TPR: variants seen among roughly 807,000 people sequenced by gnomAD.
TPR encodes translocated promoter region, nuclear basket protein, also known as nucleoprotein TPR.
Under a neutral mutation model 316.1 loss-of-function variants are expected in TPR, and 51 were observed. The observed-to-expected ratio is 0.16, with a 90% CI of 0.13 to 0.20. The LOEUF (loss-of-function observed/expected upper bound fraction) is 0.20, where lower values mean the gene tolerates loss of function less well. Among genes scored for constraint, TPR ranks in the 10% least tolerant of loss-of-function variants. TPR has a pLI of 1.00. For missense variants in TPR, 2,272 were observed against 2,754.8 expected, an observed-to-expected ratio of 0.82 and a Z score of 3.92; for synonymous variants, 981 against 914.7, an observed-to-expected ratio of 1.07 and a Z score of -1.31.
chr1:186,346,299 T>G lies in TPR; in HGVS notation c.2944-12A>C. 1 of 1,605,932 alleles carries G rather than the reference T, an allele frequency of 6.2e-7. No homozygotes were observed. Among genetic ancestry groups the G allele is most frequent in the Non-Finnish European group, 8.5e-7 (1 of 1,176,674 alleles). On this transcript the variant is annotated splice_polypyrimidine_tract_variant and intron_variant, in intron 22 of 50. Transcript: ENST00000367478. ...ACTTCTTCTGTCACCTTTACCATAT[T>G]ACAAACAGTAGGATATAAAAATTAC...
chr1:186,347,608 C>G, intron 21 of TPR, 150 bp from the exon 22 acceptor site: 1 of 763,574 alleles, frequency 1.3e-6, no homozygotes, highest in Admixed American at 3.8e-5. Context: ...AAAATAAAAG[C>G]AGGTACTTTG....
chr1:186,343,437 C>T lies in TPR; in HGVS notation c.3639G>A (p.Arg1213=), dbSNP rs760890725. Residue 1213 remains arginine, a synonymous_variant, in exon 27 of 51, where the codon AGG becomes AGA. Transcript: ENST00000367478. Reference sequence around the variant, plus strand: ...GACTCTCAACCTGAGCCACCTCAAACCTAGTTTCAGCAATTTCTTTTTCTC... The same window carrying T: ...GACTCTCAACCTGAGCCACCTCAAATCTAGTTTCAGCAATTTCTTTTTCTC... ...IRREKEIAET[R]FEVAQVESLR... is the part of the protein sequence containing the mutation. 3 of 1,613,614 alleles carry T rather than the reference C, an allele frequency of 1.9e-6. No homozygotes were observed. The East Asian group carries it at 6.7e-5, about 36-fold the overall frequency.
rs1197367694 is a variant in TPR, at chr1:186,344,004, G to C, written c.3504C>G (p.Asp1168Glu). Residue 1168 changes from aspartate (D) to glutamate (E), a missense_variant, in exon 26 of 51, where the codon GAC (aspartate) becomes GAG (glutamate). Asp to Glu is a conservative substitution (Grantham distance 45). Around this residue, in one of 10 missense-constraint regions of TPR, gnomAD observed 757 missense variants for 859.8 expected, o/e 0.88. Coordinates refer to ENST00000367478, the MANE Select transcript of TPR (RefSeq NM_003292.3). ...CTTCCTTCACAGAGGCAACGACCTT[G>C]TCACTTAATTTTTCGATCTGATCAT... ...LLHDQIEKLS[D>E]KVVASVKEGV... The C allele has an allele frequency of 6.2e-7, 1 of 1,614,104 alleles. No homozygotes were observed. The highest frequency in any genetic ancestry group is 8.5e-7 in the Non-Finnish European group (1 of 1,180,014).
intron 18 of TPR, among the ~76,000 whole-genome samples, chr1:186,353,352 A>G (rs1658928054): frequency 2.0e-5 from 3 of 151,882 alleles, no homozygotes; most frequent in Non-Finnish European, 4.4e-5. Flanking sequence ...AGCCTGGGCG[A>G]CAGAGTGAGA....
intron 3 of TPR, among the ~76,000 whole-genome samples, chr1:186,370,309 T>C (rs1281533105): frequency 6.6e-6 from 1 of 152,124 alleles, no homozygotes; most frequent in African/African-American, 2.4e-5. Flanking sequence ...AACATTTCCA[T>C]CCAGAAATTT....
At position 186,359,994 on chromosome 1, in the gene TPR, G is replaced by A; in HGVS notation, c.1194C>T (p.Leu398=). Residue 398 remains leucine, a splice_region_variant and synonymous_variant, in exon 12 of 51, where the codon CTC becomes CTT. Transcript: ENST00000367478. The part of the protein sequence containing the change: ...IVKPGMKLTE[L]YNAYVETQDQ... The stretch of plus-strand genomic sequence containing the variant: ...CCTGAGTTTCCACATAAGCATTATA[G>A]AGCTGAAAGTAGACAAAGGGTTGTT... 6.2e-7 allele frequency: 1 copy of A among 1,605,330 alleles called. No individual in the cohort carries two copies.
intron 5 of TPR, 133 bp downstream of exon 5, chr1:186,363,209 G>T: frequency 1.0e-6 from 1 of 981,370 alleles, no homozygotes. Context: ...TTGTCCTAAT[G>T]CTTAATTTTC....
At position 186,375,134 on chromosome 1, in the gene TPR, C is replaced by T; in HGVS notation, c.-106G>A. 5 of 1,557,826 alleles carry T rather than the reference C, an allele frequency of 3.2e-6. No individual in the cohort carries two copies. The highest frequency in any genetic ancestry group is 4.3e-6 in the Non-Finnish European group (5 of 1,151,462). On this transcript the variant is annotated 5_prime_UTR_variant, in exon 1 of 51. Transcript: ENST00000367478. Reference sequence around the variant, plus strand: ...ACGCCTGGGCCGCCGCCTCTATCACCTCGCTCGGTGGCTCGCGCGCGCCCG... The same window carrying T: ...ACGCCTGGGCCGCCGCCTCTATCACTTCGCTCGGTGGCTCGCGCGCGCCCG...
At chr1:186,372,087 T>C (rs1364017429) in intron 2 of TPR, among the ~76,000 whole-genome samples, 1 of 152,212 alleles carries the variant, frequency 6.6e-6, no homozygotes, top group African/African-American at 2.4e-5. Flanking sequence ...TGCATATACA[T>C]TACGTTTTTA....
chr1:186,373,162 C>T (rs985555944), intron 2 of TPR, among the ~76,000 whole-genome samples, 197 bp downstream of exon 2: 9 of 152,136 alleles, frequency 5.9e-5, no homozygotes, highest in Admixed American at 2.6e-4. Context: ...AGAATCCAGA[C>T]CTCCTGACCA....
In TPR at chr1:186,354,597, T is replaced by A. The variant is rs550316451; in HGVS notation, c.2172-747A>T. Among the ~76,000 whole-genome samples the A allele has an allele frequency of 4.3e-4, 65 of 152,308 alleles. No individual in the cohort carries two copies. The Middle Eastern group carries it at 0.014, about 32-fold the overall frequency. On this transcript the variant is annotated intron_variant, in intron 17 of 50. Transcript: ENST00000367478. The stretch of plus-strand genomic sequence containing the variant: ...CTGCTATAAAACAGAAACAGTTTTA[T>A]CATGTACTATATAAAAATAAATATT...
At chr1:186,314,361 C>T in intron 50 of TPR, 1 of 361,588 alleles carries the variant, frequency 2.8e-6, no homozygotes, top group Non-Finnish European at 4.9e-6. Flanking sequence ...AACACTATAA[C>T]ACTTCATATT....
At chr1:186,343,239 A>G in intron 27 of TPR, 87 bp downstream of exon 27, 1 of 1,490,858 alleles carries the variant, frequency 6.7e-7, no homozygotes, top group South Asian at 1.4e-5. Context: ...TTCAAGTTAA[A>G]TTTTACATTA....
rs1369988079 is a variant in TPR at position 186,320,299 on chromosome 1, T to G, written c.6568+13A>C. On this transcript the variant is annotated intron_variant, in intron 46 of 50. Coordinates refer to ENST00000367478, the MANE Select transcript of TPR (RefSeq NM_003292.3). ...CATACAAATTCAGGGGATCTAAAGGTTTAACTATTTACCTCCTTGAGAAGC... is the reference window on the plus strand; with the variant it reads ...CATACAAATTCAGGGGATCTAAAGGGTTAACTATTTACCTCCTTGAGAAGC... 7.5e-6 allele frequency: 12 copies of G among 1,598,552 alleles called. No homozygotes were observed. Among genetic ancestry groups the G allele is most frequent in the African/African-American group, 4.0e-5 (3 of 74,414 alleles).
rs1657801600 is a variant in TPR at position 186,322,506 on chromosome 1, G to A, written c.6366+12C>T. 6.2e-7 allele frequency: 1 copy of A among 1,613,906 alleles called. No homozygotes were observed. The highest frequency in any genetic ancestry group is 2.2e-5 in the East Asian group (1 of 44,854). On this transcript the variant is annotated intron_variant, in intron 44 of 50. Coordinates refer to ENST00000367478, the MANE Select transcript of TPR (RefSeq NM_003292.3). Reference sequence around the variant, plus strand: ...GAAATGAATTACTTTTACATAATGGGTAAGTACTTACCATGCCACCTATTC... The same window carrying A: ...GAAATGAATTACTTTTACATAATGGATAAGTACTTACCATGCCACCTATTC...
intron 42 of TPR, 108 bp from the exon 43 acceptor site, chr1:186,323,978 T>A: frequency 8.5e-7 from 1 of 1,171,582 alleles, no homozygotes. Context: ...ACCGTACGAA[T>A]ATTTTCAGAA....
chr1:186,311,699 GAAATC>G lies in TPR; in HGVS notation c.*2267_*2271del. 1 of 1,225,320 alleles carries G rather than the reference GAAATC, an allele frequency of 8.2e-7. No homozygotes were observed. The highest frequency in any genetic ancestry group is 1.2e-6 in the Non-Finnish European group (1 of 850,224). The allele number at this position is 1,225,320 out of a possible 1,614,324, so 75.9% of individuals were successfully genotyped here. A position where few individuals can be genotyped will look rare whatever the true frequency, so the allele number is the denominator to read the frequency against. On this transcript the variant is annotated 3_prime_UTR_variant, in exon 51 of 51. Coordinates refer to ENST00000367478, the MANE Select transcript of TPR (RefSeq NM_003292.3). ...CTGTCAAAAGATATCTTTAATGGCTGAAATCAAATATTTTCAGTGAAAAAAATCAA... is the reference window on the plus strand; with the variant it reads ...CTGTCAAAAGATATCTTTAATGGCTGAAATATTTTCAGTGAAAAAAATCAA...
chr1:186,325,635 A>T, intron 42 of TPR, 129 bp downstream of exon 42: 4 of 704,342 alleles, frequency 5.7e-6, no homozygotes, highest in Non-Finnish European at 9.0e-6. Flanking sequence ...CAACAGTCAC[A>T]AAGCTAGAAC....
intron 32 of TPR, 150 bp from the exon 33 acceptor site, chr1:186,336,844 T>C (rs1337672379): frequency 7.6e-7 from 1 of 1,324,064 alleles, no homozygotes; most frequent in African/African-American, 1.5e-5. Context: ...ACCAACTAAA[T>C]GCACACTTGA....
Sources: gnomAD v4.1 joint callset for allele counts (sites outside exome capture counted in the v4.1 genomes callset) on GRCh38, gnomAD v4.1.1 for gene constraint, gnomAD v4.1.1 regional missense constraint, MANE v1.5 for transcripts, NCBI Gene and HGNC (gene_info 2026-07-23, HGNC 2026-07-21) for gene names.